ERC2: variants seen among roughly 807,000 people sequenced by gnomAD.
ERC2 encodes ELKS/RAB6-interacting/CAST family member 2.
In ERC2, 42 loss-of-function variants were observed where a neutral mutation model predicts 114.8. The ratio of observed to expected loss-of-function variants is 0.37; its 90% confidence interval spans 0.29 to 0.47. The LOEUF (loss-of-function observed/expected upper bound fraction) is 0.47, where lower values mean the gene tolerates loss of function less well. ERC2 is among the 20% of genes least tolerant of loss of function. The pLI, the probability that ERC2 is intolerant of heterozygous loss-of-function variation, is 0.99. For synonymous variants in ERC2, 454 were observed against 425.5 expected (o/e 1.07, Z -0.82); for missense variants, 939 against 1,150.7 (o/e 0.82, Z 2.66).
At position 56,361,843 on chromosome 3, in the gene ERC2, C is replaced by T. The variant is rs368880047; in HGVS notation, c.658-65408G>A. Reference sequence around the variant, plus strand: ...CGTAAATCATACACAGGCATGGGTGCCAGGGTACAACCCAGGAAACACTGA... The same window carrying T: ...CGTAAATCATACACAGGCATGGGTGTCAGGGTACAACCCAGGAAACACTGA... On this transcript the variant is annotated intron_variant, in intron 2 of 17. Coordinates refer to ENST00000288221, the MANE Select transcript of ERC2 (RefSeq NM_015576.3). 3.9e-5 allele frequency among the ~76,000 whole-genome samples: 6 copies of T among 152,114 alleles called. No homozygotes were observed. The East Asian group carries it at 1.2e-3, about 29-fold the overall frequency.
chr3:56,085,018 T>C (rs980904489), intron 6 of ERC2, among the ~76,000 whole-genome samples: 2 of 152,136 alleles, frequency 1.3e-5, no homozygotes, highest in East Asian at 3.9e-4. Flanking sequence ...ATAACTCTCA[T>C]TTCCCCTCCC....
At chr3:55,975,310 A>C (rs1407345456) in intron 12 of ERC2, among the ~76,000 whole-genome samples, 1 of 152,202 alleles carries the variant, frequency 6.6e-6, no homozygotes, top group Non-Finnish European at 1.5e-5. Flanking sequence ...AATTTCCTAT[A>C]GTTTCTTCCA....
chr3:55,814,489 T>C (rs1575688099), intron 14 of ERC2, among the ~76,000 whole-genome samples: 1 of 152,210 alleles, frequency 6.6e-6, no homozygotes, highest in African/African-American at 2.4e-5. Flanking sequence ...CATTTTGAAG[T>C]ATGAATCACA....
chr3:56,198,163 C>A (rs920021192), intron 3 of ERC2, among the ~76,000 whole-genome samples: 1 of 152,178 alleles, frequency 6.6e-6, no homozygotes, highest in Non-Finnish European at 1.5e-5. Flanking sequence ...TGGCACAGAG[C>A]CCAGAACAGA....
chr3:56,275,400 T>C (rs988277407), intron 3 of ERC2, among the ~76,000 whole-genome samples: 2 of 152,186 alleles, frequency 1.3e-5, no homozygotes, highest in Non-Finnish European at 2.9e-5. Flanking sequence ...TCTTGTTGCT[T>C]CAGCTCAATC....
chr3:56,293,584 G>A (rs540192138), intron 3 of ERC2, among the ~76,000 whole-genome samples: 143 of 152,292 alleles, frequency 9.4e-4, no homozygotes, highest in African/African-American at 3.3e-3. Flanking sequence ...TGTTTGCTGA[G>A]TTCAAGTTTA....
intron 17 of ERC2, among the ~76,000 whole-genome samples, chr3:55,679,060 T>A (rs868351870): frequency 3.9e-5 from 6 of 152,166 alleles, no homozygotes; most frequent in Admixed American, 1.3e-4. Context: ...ACAACATAAA[T>A]CAAATCATGT....
At chr3:55,704,171 G>A (rs2063364518) in intron 15 of ERC2, among the ~76,000 whole-genome samples, 1 of 152,190 alleles carries the variant, frequency 6.6e-6, no homozygotes, top group Non-Finnish European at 1.5e-5. Flanking sequence ...TGACATTTCT[G>A]AAGAGTTTAT....
chr3:56,188,320 G>A (rs1014818501), intron 3 of ERC2, among the ~76,000 whole-genome samples: 24 of 152,064 alleles, frequency 1.6e-4, no homozygotes, highest in Admixed American at 1.4e-3. Flanking sequence ...TTTCTCTCTC[G>A]AGTACGTGGA....
intron 14 of ERC2, among the ~76,000 whole-genome samples, chr3:55,863,712 A>C (rs927871224): frequency 6.6e-6 from 1 of 152,182 alleles, no homozygotes; most frequent in Non-Finnish European, 1.5e-5. Flanking sequence ...ACATCATAAA[A>C]GTAAAAAGAA....
intron 14 of ERC2, among the ~76,000 whole-genome samples, chr3:55,802,946 T>C (rs1175499956): frequency 6.6e-6 from 1 of 152,194 alleles, no homozygotes; most frequent in African/African-American, 2.4e-5. Flanking sequence ...ATATACGGTG[T>C]AGTTAGCTAT....
chr3:56,391,077 A>G (rs994862223), intron 2 of ERC2, among the ~76,000 whole-genome samples: 1 of 152,190 alleles, frequency 6.6e-6, no homozygotes, highest in Non-Finnish European at 1.5e-5. Context: ...TGTGTTGGGG[A>G]TTAAAATGAG....
intron 17 of ERC2, among the ~76,000 whole-genome samples, chr3:55,626,393 G>T (rs1375159614): frequency 6.6e-6 from 1 of 152,202 alleles, no homozygotes. Context: ...GGAGAGAAAT[G>T]ATGGAGTAAC....
chr3:56,317,159 G>A (rs555979988), intron 2 of ERC2, among the ~76,000 whole-genome samples: 1 of 152,330 alleles, frequency 6.6e-6, no homozygotes, highest in African/African-American at 2.4e-5. Flanking sequence ...GCAGCACAGA[G>A]GAGGGAGGCA....
At chr3:56,078,423 A>G (rs2077076199) in intron 7 of ERC2, among the ~76,000 whole-genome samples, 1 of 152,216 alleles carries the variant, frequency 6.6e-6, no homozygotes, top group Non-Finnish European at 1.5e-5. Flanking sequence ...GCTGACCATA[A>G]CAGAACAGGA....
At chr3:56,054,032 TC>T (rs2149691274) in intron 7 of ERC2, among the ~76,000 whole-genome samples, 1 of 152,324 alleles carries the variant, frequency 6.6e-6, no homozygotes, top group African/African-American at 2.4e-5. Context: ...TGTAAACACT[TC>T]CTTCAAGTTC....
At chr3:56,109,250 A>C (rs2078833470) in intron 6 of ERC2, among the ~76,000 whole-genome samples, 1 of 151,962 alleles carries the variant, frequency 6.6e-6, no homozygotes. Flanking sequence ...TCATCATTTA[A>C]CTTGTAAGTG....
At chr3:56,215,801 C>A (rs2049426482) in intron 3 of ERC2, among the ~76,000 whole-genome samples, 1 of 152,194 alleles carries the variant, frequency 6.6e-6, no homozygotes, top group South Asian at 2.1e-4. Context: ...GTCTCTCAGA[C>A]AACAGTGCAA....
At chr3:55,543,098 C>T (rs1366255552) in intron 17 of ERC2, among the ~76,000 whole-genome samples, 7 of 152,292 alleles carry the variant, frequency 4.6e-5, no homozygotes, top group African/African-American at 7.2e-5. Flanking sequence ...TGCCTTCCTG[C>T]ACCCGCTGTG....
Sources: gnomAD v4.1 joint callset for allele counts (sites outside exome capture counted in the v4.1 genomes callset) on GRCh38, gnomAD v4.1.1 for gene constraint, MANE v1.5 for transcripts, NCBI Gene and HGNC (gene_info 2026-07-23, HGNC 2026-07-21) for gene names.